The following ARHGAP26 variants were observed in gnomAD, a reference collection of about 807,000 sequenced individuals.
The protein encoded by ARHGAP26 is Rho GTPase activating protein 26.
ARHGAP26 carries 38 observed loss-of-function variants against 104.8 expected under a neutral mutation model. That is an observed-to-expected ratio of 0.36 (90% CI 0.28 to 0.48). ARHGAP26 has a LOEUF of 0.48. ARHGAP26 is among the 20% of genes least tolerant of loss of function. The pLI, the probability that ARHGAP26 is intolerant of heterozygous loss-of-function variation, is 0.99. For synonymous variants in ARHGAP26, 341 were observed against 340.0 expected, an observed-to-expected ratio of 1.00 and a Z score of -0.03; for missense variants, 704 against 947.9, an observed-to-expected ratio of 0.74 and a Z score of 3.38.
chr5:143,076,617 T>C (rs1789069773), intron 17 of ARHGAP26, among the ~76,000 whole-genome samples: 1 of 152,226 alleles, frequency 6.6e-6, no homozygotes, highest in Non-Finnish European at 1.5e-5. Context: ...TGCTCTCCAG[T>C]GGAAAGCATT....
At chr5:143,136,118 G>C (rs1190195492) in intron 19 of ARHGAP26, among the ~76,000 whole-genome samples, 1 of 152,196 alleles carries the variant, frequency 6.6e-6, no homozygotes, top group Non-Finnish European at 1.5e-5. Flanking sequence ...AAATAGTGCT[G>C]GGTATGTGGT....
Position 142,992,679 on chromosome 5 carries a change from G to A in ARHGAP26, c.1108-21401G>A, listed in dbSNP as rs111428683. On this transcript the variant is annotated intron_variant, in intron 11 of 22. Transcript: ENST00000645722. ...CCTGACCTCGTGATCCGCCTGCCTC[G>A]CCTCCCAAAGTGCTAGCATTACAGG... 1.4e-3 allele frequency among the ~76,000 whole-genome samples: 211 copies of A among 152,020 alleles called. 3 individuals carry two copies. The highest frequency in any genetic ancestry group is 3.4e-3 in the Middle Eastern group (1 of 294).
rs188928177 is a variant in ARHGAP26 at position 142,777,044 on chromosome 5, G to T, written c.154+6129G>T. 1.1e-4 allele frequency among the ~76,000 whole-genome samples: 17 copies of T among 152,312 alleles called. No individual in the cohort carries two copies. The East Asian group carries it at 3.1e-3, about 28-fold the overall frequency. ...AGGATGAGCACCTTTTCATGTGTTTGTTGGCCATTGGTGCGTCATCTTTGC... is the reference window on the plus strand; with the variant it reads ...AGGATGAGCACCTTTTCATGTGTTTTTTGGCCATTGGTGCGTCATCTTTGC... On this transcript the variant is annotated intron_variant, in intron 1 of 22. Transcript: ENST00000645722.
At chr5:143,161,097 C>A (rs1177210618) in intron 20 of ARHGAP26, among the ~76,000 whole-genome samples, 1 of 150,628 alleles carries the variant, frequency 6.6e-6, no homozygotes, top group Non-Finnish European at 1.5e-5. Context: ...CTGCAACCTC[C>A]ACCTCCTAGT....
At chr5:142,915,989 C>G (rs1229273463) in intron 10 of ARHGAP26, among the ~76,000 whole-genome samples, 1 of 152,162 alleles carries the variant, frequency 6.6e-6, no homozygotes, top group Non-Finnish European at 1.5e-5. Context: ...TGCTGTCCTG[C>G]CTTCCACAGG....
At chr5:143,122,465 C>G (rs1269292128) in intron 18 of ARHGAP26, among the ~76,000 whole-genome samples, 1 of 152,228 alleles carries the variant, frequency 6.6e-6, no homozygotes, top group Non-Finnish European at 1.5e-5. Flanking sequence ...CCTGCATTCC[C>G]TTTTCCTTTT....
In ARHGAP26 at chr5:143,120,902, TA is replaced by T; in HGVS notation, c.1539-85del. 4 of 1,365,170 alleles carry T rather than the reference TA, an allele frequency of 2.9e-6. No individual in the cohort carries two copies. In the South Asian group the frequency reaches 6.4e-5, roughly 22 times the overall value. The allele number at this position is 1,365,170 out of a possible 1,614,324, so 84.6% of individuals were successfully genotyped here. On this transcript the variant is annotated intron_variant, in intron 17 of 22. Transcript: ENST00000645722. ...CTCCTACAGATGAGGAGTCTATAAA[TA>T]GGAAGATAGGAAGGATACAGGGTGG...
chr5:143,048,293 C>T (rs577307873), intron 14 of ARHGAP26, among the ~76,000 whole-genome samples: 24 of 152,112 alleles, frequency 1.6e-4, no homozygotes, highest in Admixed American at 2.0e-4. Context: ...TGGGGTCTCA[C>T]TCTTTCACCC....
intron 20 of ARHGAP26, among the ~76,000 whole-genome samples, chr5:143,196,532 A>G (rs978256531): frequency 6.6e-6 from 1 of 152,076 alleles, no homozygotes; most frequent in African/African-American, 2.4e-5. Context: ...ATTTAATATT[A>G]TTGTTGATTT....
chr5:143,079,615 C>T (rs974534840), intron 17 of ARHGAP26, among the ~76,000 whole-genome samples: 5 of 152,196 alleles, frequency 3.3e-5, no homozygotes, highest in South Asian at 2.1e-4. Context: ...CCGGATTAAA[C>T]GAACATGTTT....
At chr5:143,130,728 C>CT (rs1797235736) in intron 18 of ARHGAP26, among the ~76,000 whole-genome samples, 1 of 152,202 alleles carries the variant, frequency 6.6e-6, no homozygotes, top group Non-Finnish European at 1.5e-5. Flanking sequence ...CGTGGCCAGA[C>CT]AGTCAGCAGG....
At chr5:142,973,762 A>G (rs1297188589) in intron 11 of ARHGAP26, among the ~76,000 whole-genome samples, 2 of 152,084 alleles carry the variant, frequency 1.3e-5, no homozygotes, top group Non-Finnish European at 2.9e-5. Flanking sequence ...CCCAGGCTTT[A>G]TGAAACTATA....
intron 18 of ARHGAP26, among the ~76,000 whole-genome samples, chr5:143,132,927 T>G (rs913012936): frequency 2.0e-5 from 3 of 151,906 alleles, no homozygotes; most frequent in Admixed American, 2.0e-4. Context: ...TGAACCTCCC[T>G]GAGCCTTAGT....
chr5:143,200,162 A>AT lies in ARHGAP26; in HGVS notation c.1989-7029dup, dbSNP rs563112805. 3.4e-3 allele frequency among the ~76,000 whole-genome samples: 517 copies of AT among 152,242 alleles called. 2 individuals are homozygous for AT. Among genetic ancestry groups the AT allele is most frequent in the African/African-American group, 0.012 (502 of 41,542 alleles). On this transcript the variant is annotated intron_variant, in intron 20 of 22. Transcript: ENST00000645722. ...TGAACACTGAAAAAATGTTCATCTA[A>AT]TTTTTTTCTAATGATCATGCTCAAT...
intron 18 of ARHGAP26, among the ~76,000 whole-genome samples, chr5:143,131,727 A>C (rs1362197750): frequency 6.6e-6 from 1 of 152,220 alleles, no homozygotes; most frequent in Non-Finnish European, 1.5e-5. Context: ...CCAACTTGCT[A>C]TGCTGTTGGC....
chr5:143,071,573 A>G (rs1257319660), intron 17 of ARHGAP26, among the ~76,000 whole-genome samples: 2 of 152,226 alleles, frequency 1.3e-5, no homozygotes, highest in Admixed American at 1.3e-4. Context: ...CTGGGAAAAG[A>G]TTTTATGAAT....
chr5:142,927,782 A>T (rs147983433), intron 10 of ARHGAP26, among the ~76,000 whole-genome samples: 236 of 152,294 alleles, frequency 1.5e-3, no homozygotes, highest in African/African-American at 5.6e-3. Context: ...TCCCATCAGC[A>T]ATGTATGAGA....
At chr5:142,777,365 C>G (rs1756537008) in intron 1 of ARHGAP26, among the ~76,000 whole-genome samples, 1 of 152,168 alleles carries the variant, frequency 6.6e-6, no homozygotes, top group African/African-American at 2.4e-5. Context: ...AGCTAATGAT[C>G]CAAGCCCTCT....
At chr5:143,156,336 G>A (rs189851149) in intron 20 of ARHGAP26, among the ~76,000 whole-genome samples, 26 of 152,300 alleles carry the variant, frequency 1.7e-4, no homozygotes, top group African/African-American at 6.3e-4. Context: ...CTCTGCATTA[G>A]GGATCTGGAA....
Sources: gnomAD v4.1 joint callset for allele counts (sites outside exome capture counted in the v4.1 genomes callset) on GRCh38, gnomAD v4.1.1 for gene constraint, MANE v1.5 for transcripts, NCBI Gene and HGNC (gene_info 2026-07-23, HGNC 2026-07-21) for gene names.